Variants in PTPRD observed in about 807,000 individuals in gnomAD.
PTPRD encodes the protein receptor-type tyrosine-protein phosphatase delta.
In PTPRD, 34 loss-of-function variants were observed where a neutral mutation model predicts 214.5. That is an observed-to-expected ratio of 0.16 (90% confidence interval 0.12 to 0.21). The LOEUF (loss-of-function observed/expected upper bound fraction) is 0.21, where lower values mean the gene tolerates loss of function less well. PTPRD is among the 10% of genes least tolerant of loss of function. The pLI, the probability that PTPRD is intolerant of heterozygous loss-of-function variation, is 1.00. For synonymous variants in PTPRD, 1,128 were observed against 845.7 expected (o/e 1.33, Z -5.79); for missense variants, 2,545 against 2,398.7 (o/e 1.06, Z -1.27).
chr9:10,177,171 T>C (rs2099253600), intron 3 of PTPRD, among the ~76,000 whole-genome samples: 2 of 151,936 alleles, frequency 1.3e-5, no homozygotes, highest in South Asian at 4.1e-4. Flanking sequence ...CTTGGTTTCA[T>C]CGTGGAGTGC....
At chr9:10,352,741 A>G (rs1019478989) in intron 2 of PTPRD, among the ~76,000 whole-genome samples, 5 of 152,026 alleles carry the variant, frequency 3.3e-5, no homozygotes, top group African/African-American at 1.2e-4. Flanking sequence ...CTATTGCTCT[A>G]TATACTCACT....
At chr9:10,144,570 T>G (rs571036858) in intron 3 of PTPRD, among the ~76,000 whole-genome samples, 95 of 152,184 alleles carry the variant, frequency 6.2e-4, no homozygotes, top group African/African-American at 2.2e-3. Context: ...GCTGCCACAC[T>G]CTCATTAAAA....
chr9:9,015,383 G>A (rs454787), intron 11 of PTPRD, among the ~76,000 whole-genome samples: 143,897 of 152,182 alleles, frequency 0.95, 68,377 homozygotes, highest in Middle Eastern at 1. Flanking sequence ...ACCTCTGGTC[G>A]TCCTCACTGC....
At chr9:10,583,815 T>C (rs2072953862) in intron 2 of PTPRD, among the ~76,000 whole-genome samples, 1 of 152,186 alleles carries the variant, frequency 6.6e-6, no homozygotes, top group Admixed American at 6.5e-5. Flanking sequence ...TTGATAGCTA[T>C]GCTCTTTGAA....
At chr9:8,451,505 T>A (rs956472365) in intron 33 of PTPRD, among the ~76,000 whole-genome samples, 5 of 152,158 alleles carry the variant, frequency 3.3e-5, no homozygotes, top group African/African-American at 1.2e-4. Flanking sequence ...CATAAGACCA[T>A]GCGAAAGGAG....
chr9:9,915,974 C>T (rs1227933870), intron 5 of PTPRD, among the ~76,000 whole-genome samples: 1 of 150,994 alleles, frequency 6.6e-6, no homozygotes, highest in Non-Finnish European at 1.5e-5. Flanking sequence ...AAAAGAAAAA[C>T]ATTAAGTAAC....
chr9:9,777,915 G>T (rs375816911), intron 5 of PTPRD, among the ~76,000 whole-genome samples: 2 of 152,158 alleles, frequency 1.3e-5, no homozygotes, highest in Admixed American at 6.5e-5. Flanking sequence ...ATGAGTCATT[G>T]TCTATAATGC....
chr9:9,946,941 A>G (rs910020261), intron 4 of PTPRD, among the ~76,000 whole-genome samples: 2 of 151,970 alleles, frequency 1.3e-5, no homozygotes, highest in African/African-American at 4.8e-5. Context: ...AAATGACAGA[A>G]TGAATAACGA....
chr9:10,600,371 T>C (rs1472028424), intron 2 of PTPRD, among the ~76,000 whole-genome samples: 1 of 151,780 alleles, frequency 6.6e-6, no homozygotes, highest in Non-Finnish European at 1.5e-5. Context: ...AGATTTTATG[T>C]TGTACAATGC....
intron 11 of PTPRD, among the ~76,000 whole-genome samples, chr9:8,975,081 G>C (rs2099260883): frequency 1.7e-5 from 2 of 119,428 alleles, no homozygotes; most frequent in Admixed American, 1.9e-4. Context: ...TGGGTGACAA[G>C]AGCAAAACTC....
intron 10 of PTPRD, among the ~76,000 whole-genome samples, chr9:9,134,055 A>ATTT (rs2099846965): frequency 3.6e-5 from 4 of 110,346 alleles, no homozygotes; most frequent in Non-Finnish European, 5.6e-5. Flanking sequence ...ATATAGAATC[A>ATTT]TTCTTTTTTT....
intron 8 of PTPRD, among the ~76,000 whole-genome samples, chr9:9,420,936 T>C (rs986192011): frequency 5.9e-5 from 9 of 152,014 alleles, no homozygotes; most frequent in Non-Finnish European, 8.8e-5. Context: ...CTCAGTGGTA[T>C]AATTTTTGTG....
At chr9:9,243,478 G>T (rs186006059) in intron 9 of PTPRD, among the ~76,000 whole-genome samples, 37 of 152,176 alleles carry the variant, frequency 2.4e-4, no homozygotes, top group Admixed American at 1.3e-3. Context: ...ATGCAAGGCT[G>T]GTTCAACATA....
intron 14 of PTPRD, among the ~76,000 whole-genome samples, chr9:8,618,571 A>C (rs925280489): frequency 1.3e-5 from 2 of 152,102 alleles, no homozygotes; most frequent in African/African-American, 4.8e-5. Flanking sequence ...AGAGGTTTCA[A>C]AGAGAAAGCC....
intron 10 of PTPRD, among the ~76,000 whole-genome samples, chr9:9,064,052 C>T (rs962861916): frequency 6.6e-6 from 1 of 152,042 alleles, no homozygotes; most frequent in African/African-American, 2.4e-5. Flanking sequence ...CAGCTGAGTG[C>T]TTTAATCAGT....
At chr9:8,466,520 A>T (rs1463515538) in intron 31 of PTPRD, among the ~76,000 whole-genome samples, 2 of 151,894 alleles carry the variant, frequency 1.3e-5, no homozygotes, top group East Asian at 3.9e-4. Flanking sequence ...ATTACGAGAA[A>T]ATCATACTAA....
intron 7 of PTPRD, among the ~76,000 whole-genome samples, chr9:9,652,932 A>C (rs2096402468): frequency 6.6e-6 from 1 of 152,152 alleles, no homozygotes. Context: ...ACCACTTTTA[A>C]AGTGCTAAAT....
intron 11 of PTPRD, among the ~76,000 whole-genome samples, chr9:8,761,584 G>A (rs902725071): frequency 6.6e-6 from 1 of 152,092 alleles, no homozygotes; most frequent in African/African-American, 2.4e-5. Context: ...TTAGTAGAAA[G>A]AACTAAAATA....
chr9:9,369,332 T>C (rs1320901984), intron 9 of PTPRD, among the ~76,000 whole-genome samples: 2 of 152,098 alleles, frequency 1.3e-5, no homozygotes, highest in Non-Finnish European at 2.9e-5. Flanking sequence ...CTCATTGCGG[T>C]TTTGATTTGC....
Sources: gnomAD v4.1 joint callset for allele counts (sites outside exome capture counted in the v4.1 genomes callset) on GRCh38, gnomAD v4.1.1 for gene constraint, MANE v1.5 for transcripts, NCBI Gene and HGNC (gene_info 2026-07-23, HGNC 2026-07-21) for gene names.